CAMTA1: variants seen among roughly 807,000 people sequenced by gnomAD.
CAMTA1 encodes calmodulin binding transcription activator 1, also known as calmodulin-binding transcription activator 1.
A neutral mutation model predicts 170.9 loss-of-function variants in CAMTA1; 27 were observed. That is an observed-to-expected ratio of 0.16 (90% CI 0.12 to 0.22). The LOEUF (loss-of-function observed/expected upper bound fraction) is 0.22, where lower values mean the gene tolerates loss of function less well. Ranked by LOEUF, CAMTA1 falls within the 10% of genes least tolerant of loss-of-function variation. The pLI is 1.00. For synonymous variants in CAMTA1, 833 were observed against 891.5 expected (o/e 0.93, Z 1.17); for missense variants, 1,619 against 2,217.2 (o/e 0.73, Z 5.42).
intron 3 of CAMTA1, chr1:6,874,041 A>G (rs985075886): frequency 1.2e-4 from 18 of 152,260 alleles, no homozygotes; most frequent in African/African-American, 4.3e-4. Context: ...GAGTTGTAAG[A>G]CATTTCATCG....
rs1477059192 is a variant in CAMTA1 at position 7,091,519 on chromosome 1, A to T, written c.302+148A>T. On this transcript the variant is annotated intron_variant, in intron 4 of 22. Transcript: ENST00000303635. ...GGCTTTCGACACTGAGGTCTCATTC[A>T]TTGACATAAGACTGTGGCAGTGAAT... is the stretch of plus-strand genomic sequence containing the variant. The T allele has an allele frequency of 2.2e-5, 15 of 675,346 alleles. No homozygotes were observed. In the East Asian group the frequency reaches 4.0e-4, roughly 18 times the overall value. The allele number at this position is 675,346 out of a possible 1,614,324, so 41.8% of individuals were successfully genotyped here. A position where few individuals can be genotyped will look rare whatever the true frequency, so the allele number is the denominator to read the frequency against.
chr1:6,979,524 C>T (rs1201994823), intron 3 of CAMTA1, among the ~76,000 whole-genome samples: 1 of 152,150 alleles, frequency 6.6e-6, no homozygotes, highest in East Asian at 1.9e-4. Context: ...TTTCAAGCCA[C>T]AATTTGTATT....
intron 5 of CAMTA1, among the ~76,000 whole-genome samples, chr1:7,464,937 C>T (rs984213196): frequency 5.9e-5 from 9 of 152,136 alleles, no homozygotes; most frequent in African/African-American, 1.4e-4. Flanking sequence ...ACAGCCACCC[C>T]GGCTCATCAG....
At chr1:7,452,625 G>C (rs2092854006) in intron 5 of CAMTA1, among the ~76,000 whole-genome samples, 1 of 152,156 alleles carries the variant, frequency 6.6e-6, no homozygotes, top group Non-Finnish European at 1.5e-5. Context: ...CATACAATGT[G>C]TGGCCTTCTG....
chr1:7,269,430 T>G (rs1341460501), intron 5 of CAMTA1, among the ~76,000 whole-genome samples: 1 of 152,254 alleles, frequency 6.6e-6, no homozygotes, highest in African/African-American at 2.4e-5. Flanking sequence ...TTTGTAACCT[T>G]ATTACAGAAG....
In CAMTA1 at chr1:7,638,668, A is replaced by G. The variant is rs371324605; in HGVS notation, c.511-1732A>G. On this transcript the variant is annotated intron_variant, in intron 6 of 22. Transcript: ENST00000303635. ...AGGAAAAAAAAAAGGTTCAAGAAAT[A>G]CCCTCTGATTGAGATGGGAGGGTTT... 2.2e-4 allele frequency among the ~76,000 whole-genome samples: 34 copies of G among 152,088 alleles called. 1 individual carries two copies. The East Asian group carries it at 5.8e-3, about 26-fold the overall frequency.
At position 7,493,654 on chromosome 1, in the gene CAMTA1, G is replaced by C. The variant is rs959441692; in HGVS notation, c.510+25753G>C. On this transcript the variant is annotated intron_variant, in intron 6 of 22. Coordinates refer to ENST00000303635, the MANE Select transcript of CAMTA1 (RefSeq NM_015215.4). Reference sequence around the variant, plus strand: ...ATCCCCCAGGGAACTGGGGGGGGGGGGGGGTCAGCGGAAGAGTTTGTCCTT... The same window carrying C: ...ATCCCCCAGGGAACTGGGGGGGGGGCGGGGTCAGCGGAAGAGTTTGTCCTT... 2.1e-4 allele frequency among the ~76,000 whole-genome samples: 25 copies of C among 117,108 alleles called. No homozygotes were observed. The East Asian group carries it at 6.1e-3, about 29-fold the overall frequency. The allele number at this position is 117,108 out of a possible 152,430, so 76.8% of individuals were successfully genotyped here.
rs898244433 is a variant in CAMTA1 at position 7,532,486 on chromosome 1, G to C, written c.510+64585G>C. ...AATTTTTATTTTATGTTTGTTTTAG[G>C]GACGGGGCTCTTACCATGTTGCCCA... is the stretch of plus-strand genomic sequence containing the variant. On this transcript the variant is annotated intron_variant, in intron 6 of 22. Transcript: ENST00000303635. This position sits in a 1 kb window ranked among gnomAD's most constrained non-coding sequence, Gnocchi z 4.2. Among the ~76,000 whole-genome samples, 4 of 151,846 alleles carry C rather than the reference G, an allele frequency of 2.6e-5. No individual in the cohort carries two copies. The highest frequency in any genetic ancestry group is 9.7e-5 in the African/African-American group (4 of 41,228).
intron 6 of CAMTA1, among the ~76,000 whole-genome samples, chr1:7,579,617 T>C (rs2008382): frequency 3.5e-5 from 5 of 142,682 alleles, no homozygotes; most frequent in African/African-American, 1.4e-4. Flanking sequence ...TGAAGTGCAG[T>C]GGCACAATCT....
intron 3 of CAMTA1, among the ~76,000 whole-genome samples, chr1:6,902,020 G>T (rs1431235404): frequency 7.0e-6 from 1 of 143,380 alleles, no homozygotes; most frequent in East Asian, 2.1e-4. Flanking sequence ...ACTTCAGCCC[G>T]AATGACAAGG....
At chr1:7,311,457 C>A (rs1162752137) in intron 5 of CAMTA1, among the ~76,000 whole-genome samples, 2 of 152,074 alleles carry the variant, frequency 1.3e-5, no homozygotes, top group South Asian at 2.1e-4. Context: ...TCTTTATATT[C>A]TCTACTTATT....
Position 7,523,837 on chromosome 1 carries a change from C to T in CAMTA1, c.510+55936C>T, listed in dbSNP as rs1427730478. 5.3e-5 allele frequency among the ~76,000 whole-genome samples: 8 copies of T among 150,854 alleles called. No individual in the cohort carries two copies. In the East Asian group the frequency reaches 9.7e-4, roughly 18 times the overall value. On this transcript the variant is annotated intron_variant, in intron 6 of 22. Coordinates refer to ENST00000303635, the MANE Select transcript of CAMTA1 (RefSeq NM_015215.4). ...GGCAGAGCTTGCCGTGAGCCAAGAT[C>T]GCACCACTGCACTCCAGCCTGGACG...
chr1:6,979,864 C>T (rs112340442), intron 3 of CAMTA1, among the ~76,000 whole-genome samples: 2 of 152,084 alleles, frequency 1.3e-5, no homozygotes, highest in African/African-American at 4.8e-5. Flanking sequence ...GGGAGAGGAC[C>T]CCCGGCGTGT....
chr1:7,751,141 C>T (rs573023255), intron 19 of CAMTA1, 58 bp from the exon 20 acceptor site: 21 of 1,359,582 alleles, frequency 1.5e-5, no homozygotes, highest in Non-Finnish European at 1.9e-5. Context: ...GCTCGAAGGA[C>T]GCTGAGCCCG....
At chr1:7,034,666 C>T (rs1234808118) in intron 3 of CAMTA1, among the ~76,000 whole-genome samples, 4 of 152,264 alleles carry the variant, frequency 2.6e-5, no homozygotes, top group East Asian at 1.9e-4. Context: ...GAAGATTGCT[C>T]GACTTAGGAT....
At position 7,160,587 on chromosome 1, in the gene CAMTA1, G is replaced by C. The variant is rs76636634; in HGVS notation, c.302+69216G>C. Among the ~76,000 whole-genome samples, 1,417 of 151,970 alleles carry C rather than the reference G, an allele frequency of 9.3e-3. 18 individuals carry two copies. The highest frequency in any genetic ancestry group is 0.032 in the African/African-American group (1,305 of 41,404). On this transcript the variant is annotated intron_variant, in intron 4 of 22. Coordinates refer to ENST00000303635, the MANE Select transcript of CAMTA1 (RefSeq NM_015215.4). ...TCTCTTTGTGACCTCCCATTCCTAT[G>C]CTCATCCCTTCTATATTTGTGATGC...
At chr1:6,994,435 T>G (rs1039443273) in intron 3 of CAMTA1, among the ~76,000 whole-genome samples, 6 of 152,352 alleles carry the variant, frequency 3.9e-5, no homozygotes, top group African/African-American at 1.2e-4. Context: ...GATTTTTCAC[T>G]GGGTGTAGAA....
chr1:7,337,514 G>GC (rs70984074), intron 5 of CAMTA1, among the ~76,000 whole-genome samples: 138,076 of 144,526 alleles, frequency 0.96, 65,823 homozygotes, highest in East Asian at 1. Context: ...TGGGCCGTGG[G>GC]CTCATCCAAT....
intron 1 of CAMTA1, among the ~76,000 whole-genome samples, chr1:6,794,896 T>G (rs71629802): frequency 0.031 from 4,738 of 150,756 alleles, 81 homozygotes; most frequent in Middle Eastern, 0.058. Flanking sequence ...TTTTGTTTTT[T>G]TTGTTTTTTT....
Sources: gnomAD v4.1 joint callset for allele counts (sites outside exome capture counted in the v4.1 genomes callset) on GRCh38, gnomAD v4.1.1 for gene constraint, Gnocchi (gnomAD v3.1) non-coding constraint, MANE v1.5 for transcripts, NCBI Gene and HGNC (gene_info 2026-07-23, HGNC 2026-07-21) for gene names.